The following TRIM34 variants were observed in gnomAD, a reference collection of about 807,000 sequenced individuals.
TRIM34 encodes tripartite motif containing 34.
In TRIM34, 41 loss-of-function variants were observed where a neutral mutation model predicts 38.1. That is an observed-to-expected ratio of 1.08 (90% CI 0.84 to 1.40). TRIM34 has a LOEUF of 1.40. Among genes scored for constraint, TRIM34 ranks in the 40% most tolerant of loss-of-function variants. The pLI, the probability that TRIM34 is intolerant of heterozygous loss-of-function variation, is 0.00. For missense variants in TRIM34, 556 were observed against 571.4 expected, an observed-to-expected ratio of 0.97 and a Z score of 0.27; for synonymous variants, 200 against 202.5, an observed-to-expected ratio of 0.99 and a Z score of 0.10.
chr11:5,636,543 A>C (rs1219253314), intron 4 of TRIM34, among the ~76,000 whole-genome samples: 1 of 152,176 alleles, frequency 6.6e-6, no homozygotes, highest in Admixed American at 6.5e-5. Flanking sequence ...AAAAACAAAA[A>C]CAAAAAGGTT....
upstream of TRIM34, among the ~76,000 whole-genome samples, chr11:5,621,330 G>A (rs1023412651): frequency 1.3e-5 from 2 of 152,178 alleles, no homozygotes; most frequent in African/African-American, 4.8e-5. Context: ...CTGCACTGGT[G>A]TCTCTAGATA....
chr11:5,643,302 G>T lies in TRIM34; in HGVS notation c.1060G>T (p.Asp354Tyr). Residue 354 changes from aspartate (D) to tyrosine (Y), a missense_variant, in exon 8 of 8, where the codon GAC (aspartate) becomes TAC (tyrosine). Transcript: ENST00000429814. ...FSSGKHYWEV[D>Y]VSKKTAWILG... ...CTCTGGGAAACATTACTGGGAAGTG[G>T]ACGTGTCCAAGAAAACTGCCTGGAT... is the stretch of plus-strand genomic sequence containing the variant. The T allele has an allele frequency of 6.2e-7, 1 of 1,613,984 alleles. No individual in the cohort carries two copies. Among genetic ancestry groups the T allele is most frequent in the Non-Finnish European group, 8.5e-7 (1 of 1,179,976 alleles).
intron 5 of TRIM34, among the ~76,000 whole-genome samples, chr11:5,641,750 T>C (rs951372330): frequency 6.6e-6 from 1 of 152,238 alleles, no homozygotes; most frequent in African/African-American, 2.4e-5. Flanking sequence ...TATGGAAAAG[T>C]GTAGTCCTTG....
At position 5,634,726 on chromosome 11, in the gene TRIM34, G is replaced by C. The variant is rs185832700; in HGVS notation, c.615G>C (p.Leu205Phe). 1.0e-3 allele frequency: 1,614 copies of C among 1,614,050 alleles called. No homozygotes were observed. Among genetic ancestry groups the C allele is most frequent in the Admixed American group, 2.0e-3 (118 of 60,024 alleles). The change falls in exon 4 of 8, where the codon TTG (leucine) becomes TTC (phenylalanine). Residue 205 changes from leucine (L) to phenylalanine (F), a missense_variant. Coordinates refer to ENST00000429814, the MANE Select transcript of TRIM34 (RefSeq NM_021616.6). The stretch of plus-strand genomic sequence containing the variant: ...AGGAGCAGAGAGAGCTGCAAAGATT[G>C]GAAGAAGAAGAAAAGAAGACGCTGG... ...NNEEQRELQR[L>F]EEEEKKTLDK...
intron 4 of TRIM34, 130 bp from the exon 5 acceptor site, chr11:5,641,037 C>T: frequency 7.6e-7 from 1 of 1,320,550 alleles, no homozygotes; most frequent in South Asian, 1.9e-5. Context: ...AAATGTTTGC[C>T]AATTTTGTTG....
chr11:5,630,693 G>A (rs1361608720), intron 1 of TRIM34, among the ~76,000 whole-genome samples: 3 of 151,994 alleles, frequency 2.0e-5, no homozygotes, highest in Admixed American at 6.6e-5. Flanking sequence ...AGATATCTTG[G>A]ATAGTTCTCT....
intron 1 of TRIM34, among the ~76,000 whole-genome samples, chr11:5,629,996 G>A (rs1000139707): frequency 6.6e-6 from 1 of 152,124 alleles, no homozygotes; most frequent in Non-Finnish European, 1.5e-5. Flanking sequence ...GTGAGCCACC[G>A]CGCCCGGCCT....
intron 4 of TRIM34, among the ~76,000 whole-genome samples, chr11:5,639,451 A>C (rs2342379): frequency 0.32 from 49,118 of 151,516 alleles, 8,882 homozygotes; most frequent in East Asian, 0.62. Context: ...GAGACCGAAG[A>C]GGGCGGATCA....
In TRIM34 at chr11:5,643,840, T is replaced by C. The variant is rs2133960969; in HGVS notation, c.*131T>C. The C allele has an allele frequency of 8.0e-7, 1 of 1,242,240 alleles. No individual in the cohort carries two copies. Among genetic ancestry groups the C allele is most frequent in the Non-Finnish European group, 1.1e-6 (1 of 903,954 alleles). The allele number at this position is 1,242,240 out of a possible 1,614,324, so 77.0% of individuals were successfully genotyped here. On this transcript the variant is annotated 3_prime_UTR_variant, in exon 8 of 8. Coordinates refer to ENST00000429814, the MANE Select transcript of TRIM34 (RefSeq NM_021616.6). The stretch of plus-strand genomic sequence containing the variant: ...AACTTTTACTCATCCTTGAGATGTA[T>C]GGTGTATTTGGCTTGAGTTATGAGA...
chr11:5,625,392 C>T (rs1364193723), intron 1 of TRIM34, among the ~76,000 whole-genome samples: 1 of 152,168 alleles, frequency 6.6e-6, no homozygotes, highest in Non-Finnish European at 1.5e-5. Flanking sequence ...CTCTCTCTTT[C>T]TCTCTCTCAA....
chr11:5,640,072 T>A (rs1236685024), intron 4 of TRIM34, among the ~76,000 whole-genome samples: 1 of 152,230 alleles, frequency 6.6e-6, no homozygotes, highest in Non-Finnish European at 1.5e-5. Context: ...ATACTAAATC[T>A]TATTCATTCT....
intron 4 of TRIM34, among the ~76,000 whole-genome samples, chr11:5,638,854 A>G (rs1590181215): frequency 1.3e-5 from 2 of 152,166 alleles, no homozygotes; most frequent in Admixed American, 6.5e-5. Context: ...TATTTTTGCA[A>G]CTGGTTACAG....
chr11:5,643,699 C>T lies in TRIM34; in HGVS notation c.1457C>T (p.Pro486Leu), dbSNP rs1208573804. Reference sequence around the variant, plus strand: ...CCAGCTCCCATGACTCTATGCCCACCAAGCTCTTGAATTTTCTCATTTCTT... The same window carrying T: ...CCAGCTCCCATGACTCTATGCCCACTAAGCTCTTGAATTTTCTCATTTCTT... The part of the protein sequence containing the change: ...NCPAPMTLCP[P>L]SS Residue 486 changes from proline to leucine, a missense_variant, in exon 8 of 8, where the codon CCA (proline) becomes CTA (leucine). Transcript: ENST00000429814. The T allele has an allele frequency of 6.3e-7, 1 of 1,580,648 alleles. No homozygotes were observed. Among genetic ancestry groups the T allele is most frequent in the East Asian group, 2.2e-5 (1 of 44,662 alleles).
chr11:5,631,713 A>AT (rs1266066929), intron 1 of TRIM34, among the ~76,000 whole-genome samples: 5 of 152,280 alleles, frequency 3.3e-5, no homozygotes, highest in Non-Finnish European at 7.3e-5. Context: ...GAAGGAAGAT[A>AT]ATGAAACAAT....
In TRIM34 at chr11:5,642,860, C is replaced by T; in HGVS notation, c.901+17C>T. The T allele has an allele frequency of 6.2e-7, 1 of 1,613,660 alleles. No homozygotes were observed. ...GCTACTGGGGTAAGAAAAAGTTAGT[C>T]TTTAAATAACTGTTTTCCAATTACC... On this transcript the variant is annotated intron_variant, in intron 7 of 7. Coordinates refer to ENST00000429814, the MANE Select transcript of TRIM34 (RefSeq NM_021616.6).
chr11:5,628,621 C>T (rs199678744), intron 1 of TRIM34, among the ~76,000 whole-genome samples: 13 of 152,090 alleles, frequency 8.5e-5, no homozygotes, highest in Non-Finnish European at 1.5e-4. Context: ...TTTTGCCAAG[C>T]GTGGGAAAGA....
chr11:5,633,535 A>C (rs1318611413), intron 2 of TRIM34, among the ~76,000 whole-genome samples: 1 of 152,236 alleles, frequency 6.6e-6, no homozygotes, highest in East Asian at 1.9e-4. Context: ...CATTGATAAG[A>C]GGAAAGGACT....
intron 4 of TRIM34, among the ~76,000 whole-genome samples, chr11:5,640,855 G>A (rs528811555): frequency 7.0e-4 from 107 of 152,050 alleles, no homozygotes; most frequent in African/African-American, 2.2e-3. Context: ...TTTTCTATGC[G>A]TTCTTTAATG....
intron 1 of TRIM34, among the ~76,000 whole-genome samples, chr11:5,625,549 G>A (rs1299682297): frequency 6.6e-6 from 1 of 152,160 alleles, no homozygotes; most frequent in Non-Finnish European, 1.5e-5. Context: ...TGGGAGCACG[G>A]CCAGGGGTTG....
Sources: allele counts gnomAD v4.1 joint callset (sites outside exome capture counted in the v4.1 genomes callset), GRCh38; gene constraint gnomAD v4.1.1; transcripts MANE v1.5; gene names NCBI Gene and HGNC (gene_info 2026-07-23, HGNC 2026-07-21).